Variants in MC1R observed in about 807,000 individuals in gnomAD.
MC1R encodes the protein melanocortin 1 receptor.
For synonymous variants in MC1R, 263 were observed against 203.8 expected, an observed-to-expected ratio of 1.29 and a Z score of -2.47; for missense variants, 542 against 430.0, an observed-to-expected ratio of 1.26 and a Z score of -2.30.
chr16:89,919,844 T>A lies in MC1R; in HGVS notation c.586T>A (p.Phe196Ile). 1.9e-6 allele frequency: 3 copies of A among 1,606,686 alleles called. No individual in the cohort carries two copies. Among genetic ancestry groups the A allele is most frequent in the Non-Finnish European group, 2.5e-6 (3 of 1,179,680 alleles). ...CGTCCTGCTGTGCCTCGTGGTCTTC[T>A]TCCTGGCTATGCTGGTGCTCATGGC... ...VAVLLCLVVF[F>I]LAMLVLMAVL... is the part of the protein sequence containing the mutation. Residue 196 changes from phenylalanine (F) to isoleucine (I), a missense_variant, in exon 1 of 1, where the codon TTC becomes ATC. Physicochemically the swap from Phe to Ile is conservative, Grantham distance 21. Transcript: ENST00000555147.
rs2045683627 is a variant in MC1R at position 89,918,909 on chromosome 16, C to CA, written c.-349dup. On this transcript the variant is annotated 5_prime_UTR_variant, in exon 1 of 1. Coordinates refer to ENST00000555147, the MANE Select transcript of MC1R (RefSeq NM_002386.4). ...AGCCCTGGCCCAGGAAGGCAGGAGA[C>CA]AGAGGCCAGGACGGTCCAGAGGTGT... 6.7e-6 allele frequency: 2 copies of CA among 296,840 alleles called. No individual in the cohort carries two copies. The highest frequency in any genetic ancestry group is 1.3e-5 in the Non-Finnish European group (2 of 158,316). The allele number at this position is 296,840 out of a possible 1,614,324, so 18.4% of individuals were successfully genotyped here. A position where few individuals can be genotyped will look rare whatever the true frequency, so the allele number is the denominator to read the frequency against.
rs2045686623 is a variant in MC1R at position 89,919,148 on chromosome 16, GAC to G, written c.-108_-107del. 2 of 738,468 alleles carry G rather than the reference GAC, an allele frequency of 2.7e-6. No individual in the cohort carries two copies. Among genetic ancestry groups the G allele is most frequent in the Non-Finnish European group, 4.4e-6 (2 of 453,316 alleles). The allele number at this position is 738,468 out of a possible 1,614,324, so 45.7% of individuals were successfully genotyped here. On this transcript the variant is annotated 5_prime_UTR_variant, in exon 1 of 1. It removes the in-frame stop codon of an upstream open reading frame in the 5' UTR. Transcript: ENST00000555147. ...CAGATGGAAGGAGGCAGGCATGGGG[GAC>G]ACCCAAGGCCCCCTGGCAGCACCAT...
rs370441592 is a variant in MC1R, at chr16:89,919,702, C to T, written c.444C>T (p.Tyr148=). The T allele has an allele frequency of 6.7e-5, 107 of 1,606,350 alleles. No homozygotes were observed. Among genetic ancestry groups the T allele is most frequent in the South Asian group, 5.4e-4 (49 of 91,078 alleles). The change falls in exon 1 of 1, where the codon TAC becomes TAT. Residue 148 remains tyrosine, a synonymous_variant. Transcript: ENST00000555147. ...IAVDRYISIF[Y]ALRYHSIVTL... ...TGGACCGCTACATCTCCATCTTCTA[C>T]GCACTGCGCTACCACAGCATCGTGA...
In MC1R at chr16:89,920,873, G is replaced by A. The variant is rs541340274; in HGVS notation, c.*661G>A. The A allele has an allele frequency of 4.9e-5, 29 of 595,942 alleles. No homozygotes were observed. In the East Asian group the frequency reaches 4.9e-4, roughly 10 times the overall value. The allele number at this position is 595,942 out of a possible 1,614,324, so 36.9% of individuals were successfully genotyped here. A position where few individuals can be genotyped will look rare whatever the true frequency, so the allele number is the denominator to read the frequency against. On this transcript the variant is annotated 3_prime_UTR_variant, in exon 1 of 1. Coordinates refer to ENST00000555147, the MANE Select transcript of MC1R (RefSeq NM_002386.4). ...CTCAGCCTGCTTTCCTGCAGCAGTCGCCCAAGCAGACAGCCCTGGCAAATG... is the reference window on the plus strand; with the variant it reads ...CTCAGCCTGCTTTCCTGCAGCAGTCACCCAAGCAGACAGCCCTGGCAAATG...
chr16:89,919,582 C>T lies in MC1R; in HGVS notation c.324C>T (p.Ala108=), dbSNP rs1424820725. 3.1e-6 allele frequency: 5 copies of T among 1,610,646 alleles called. No homozygotes were observed. The East Asian group carries it at 6.7e-5, about 22-fold the overall frequency. The part of the protein sequence containing the change: ...ILLLEAGALV[A]RAAVLQQLDN... ...TGCTGGAGGCCGGTGCACTGGTGGC[C>T]CGGGCTGCGGTGCTGCAGCAGCTGG... Residue 108 remains alanine, a synonymous_variant, in exon 1 of 1, where the codon GCC becomes GCT. Transcript: ENST00000555147.
At position 89,919,431 on chromosome 16, in the gene MC1R, T is replaced by C; in HGVS notation, c.173T>C (p.Leu58Pro). ...CTGGTGAGCTTGGTGGAGAACGCGC[T>C]GGTGGTGGCCACCATCGCCAAGAAC... is the stretch of plus-strand genomic sequence containing the variant. The part of the protein sequence containing the change: ...LGLVSLVENA[L>P]VVATIAKNRN... The change falls in exon 1 of 1, where the codon CTG (leucine) becomes CCG (proline). Residue 58 changes from leucine (L) to proline (P), a missense_variant. Coordinates refer to ENST00000555147, the MANE Select transcript of MC1R (RefSeq NM_002386.4). The C allele has an allele frequency of 6.2e-7, 1 of 1,613,292 alleles. No homozygotes were observed. The highest frequency in any genetic ancestry group is 1.1e-5 in the South Asian group (1 of 91,086).
chr16:89,919,672 C>T lies in MC1R; in HGVS notation c.414C>T (p.Ile138=), dbSNP rs377411334. Residue 138 remains isoleucine, a synonymous_variant, in exon 1 of 1, where the codon ATC becomes ATT. Transcript: ENST00000555147. The part of the protein sequence containing the change: ...MLSSLCFLGA[I]AVDRYISIFY... ...CCAGCCTCTGCTTCCTGGGCGCCATCGCCGTGGACCGCTACATCTCCATCT... is the reference window on the plus strand; with the variant it reads ...CCAGCCTCTGCTTCCTGGGCGCCATTGCCGTGGACCGCTACATCTCCATCT... 77 of 1,605,988 alleles carry T rather than the reference C, an allele frequency of 4.8e-5. No individual in the cohort carries two copies. Among genetic ancestry groups the T allele is most frequent in the East Asian group, 4.0e-4 (18 of 44,860 alleles).
In MC1R at chr16:89,919,681, C is replaced by G. The variant is rs755031236; in HGVS notation, c.423C>G (p.Asp141Glu). The change falls in exon 1 of 1, where the codon GAC becomes GAG. Residue 141 changes from aspartate (D) to glutamate (E), a missense_variant. Transcript: ENST00000555147. ...GCTTCCTGGGCGCCATCGCCGTGGA[C>G]CGCTACATCTCCATCTTCTACGCAC... ...SLCFLGAIAV[D>E]RYISIFYALR... 6 of 1,606,268 alleles carry G rather than the reference C, an allele frequency of 3.7e-6. No individual in the cohort carries two copies. Among genetic ancestry groups the G allele is most frequent in the East Asian group, 2.2e-5 (1 of 44,866 alleles).
chr16:89,920,895 A>G lies in MC1R; in HGVS notation c.*683A>G, dbSNP rs2045716853. ...GTCGCCCAAGCAGACAGCCCTGGCA[A>G]ATGCCTGACTCAGTGACCAGTGCCT... On this transcript the variant is annotated 3_prime_UTR_variant, in exon 1 of 1. Transcript: ENST00000555147. 2 of 590,046 alleles carry G rather than the reference A, an allele frequency of 3.4e-6. No homozygotes were observed. The highest frequency in any genetic ancestry group is 6.1e-6 in the Non-Finnish European group (2 of 325,534). 36.6% of individuals were successfully genotyped at this position (590,046 alleles called of 1,614,324 possible).
At position 89,920,354 on chromosome 16, in the gene MC1R, T is replaced by A. The variant is rs926324042; in HGVS notation, c.*142T>A. The stretch of plus-strand genomic sequence containing the variant: ...GGATGGACTAAATGATCTCTGAAAG[T>A]GTTGAAGCGCGGACCCTTCTGGGTC... On this transcript the variant is annotated 3_prime_UTR_variant, in exon 1 of 1. Coordinates refer to ENST00000555147, the MANE Select transcript of MC1R (RefSeq NM_002386.4). 8.1e-6 allele frequency: 6 copies of A among 742,786 alleles called. No individual in the cohort carries two copies. In the African/African-American group the frequency reaches 8.9e-5, roughly 11 times the overall value. 46.0% of individuals were successfully genotyped at this position (742,786 alleles called of 1,614,324 possible). A position where few individuals can be genotyped will look rare whatever the true frequency, so the allele number is the denominator to read the frequency against.
rs1376244060 is a variant in MC1R, at chr16:89,919,571, G to A, written c.313G>A (p.Ala105Thr). The change falls in exon 1 of 1, where the codon GCA becomes ACA. Residue 105 changes from alanine (A) to threonine (T), a missense_variant. By Grantham distance (58) the Ala-to-Thr change is moderately conservative. Coordinates refer to ENST00000555147, the MANE Select transcript of MC1R (RefSeq NM_002386.4). ...TAVILLLEAG[A>T]LVARAAVLQQ... The stretch of plus-strand genomic sequence containing the variant: ...CGTCATCCTCCTGCTGGAGGCCGGT[G>A]CACTGGTGGCCCGGGCTGCGGTGCT... 1.9e-6 allele frequency: 3 copies of A among 1,611,352 alleles called. No homozygotes were observed. Among genetic ancestry groups the A allele is most frequent in the Non-Finnish European group, 2.5e-6 (3 of 1,179,792 alleles).
In MC1R at chr16:89,919,806, A is replaced by G. The variant is rs779866297; in HGVS notation, c.548A>G (p.Tyr183Cys). 2 of 1,607,634 alleles carry G rather than the reference A, an allele frequency of 1.2e-6. No homozygotes were observed. Among genetic ancestry groups the G allele is most frequent in the African/African-American group, 2.7e-5 (2 of 75,026 alleles). ...TTCAGCACGCTCTTCATCGCCTACTACGACCACGTGGCCGTCCTGCTGTGC... is the reference window on the plus strand; with the variant it reads ...TTCAGCACGCTCTTCATCGCCTACTGCGACCACGTGGCCGTCCTGCTGTGC... ...VVFSTLFIAYYDHVAVLLCLV... is the reference protein window; with the variant it reads ...VVFSTLFIAYCDHVAVLLCLV... Residue 183 changes from tyrosine to cysteine, a missense_variant, in exon 1 of 1, where the codon TAC (tyrosine) becomes TGC (cysteine). By Grantham distance (194) the Tyr-to-Cys change is radical. Coordinates refer to ENST00000555147, the MANE Select transcript of MC1R (RefSeq NM_002386.4).
Position 89,919,233 on chromosome 16 carries a change from C to T in MC1R, c.-26C>T, listed in dbSNP as rs758577236. 9 of 1,483,252 alleles carry T rather than the reference C, an allele frequency of 6.1e-6. No individual in the cohort carries two copies. The Admixed American group carries it at 6.6e-5, about 11-fold the overall frequency. The allele number at this position is 1,483,252 out of a possible 1,614,324, so 91.9% of individuals were successfully genotyped here. ...GTGGGGACCTGGAGGCCTCCAACGA[C>T]TCCTTCCTGCTTCCTGGACAGGACT... On this transcript the variant is annotated 5_prime_UTR_variant, in exon 1 of 1. Transcript: ENST00000555147.
In MC1R at chr16:89,919,489, C is replaced by G. The variant is rs200759505; in HGVS notation, c.231C>G (p.Ile77Met). 2.5e-6 allele frequency: 4 copies of G among 1,613,196 alleles called. No individual in the cohort carries two copies. The highest frequency in any genetic ancestry group is 2.7e-5 in the African/African-American group (2 of 74,946). ...TGCACTCACCCATGTACTGCTTCATCTGCTGCCTGGCCTTGTCGGACCTGC... is the reference window on the plus strand; with the variant it reads ...TGCACTCACCCATGTACTGCTTCATGTGCTGCCTGGCCTTGTCGGACCTGC... ...RNLHSPMYCF[I>M]CCLALSDLLV... The change falls in exon 1 of 1, where the codon ATC becomes ATG. Residue 77 changes from isoleucine to methionine, a missense_variant. Physicochemically the swap from Ile to Met is conservative, Grantham distance 10. Coordinates refer to ENST00000555147, the MANE Select transcript of MC1R (RefSeq NM_002386.4).
chr16:89,920,798 G>A lies in MC1R; in HGVS notation c.*586G>A, dbSNP rs773566844. 9.2e-6 allele frequency: 6 copies of A among 653,256 alleles called. No homozygotes were observed. The East Asian group carries it at 1.1e-4, about 12-fold the overall frequency. 40.5% of individuals were successfully genotyped at this position (653,256 alleles called of 1,614,324 possible). On this transcript the variant is annotated 3_prime_UTR_variant, in exon 1 of 1. Transcript: ENST00000555147. Reference sequence around the variant, plus strand: ...GCAGGAGCCCCCCTAGTGGTATGGGGCTGAGCCCTCCTGAGGGCCGGTTCT... The same window carrying A: ...GCAGGAGCCCCCCTAGTGGTATGGGACTGAGCCCTCCTGAGGGCCGGTTCT...
rs371214731 is a variant in MC1R, at chr16:89,920,021, G to C, written c.763G>C (p.Gly255Arg). The part of the protein sequence containing the change: ...ILLGIFFLCW[G>R]PFFLHLTLIV... ...GCTGGGCATTTTCTTCCTCTGCTGG[G>C]GCCCCTTCTTCCTGCATCTCACACT... Residue 255 changes from glycine (G) to arginine (R), a missense_variant, in exon 1 of 1, where the codon GGC (glycine) becomes CGC (arginine). Gly to Arg is a moderately radical substitution (Grantham distance 125). Coordinates refer to ENST00000555147, the MANE Select transcript of MC1R (RefSeq NM_002386.4). 1.4e-5 allele frequency: 22 copies of C among 1,613,608 alleles called. No individual in the cohort carries two copies. In the African/African-American group the frequency reaches 2.8e-4, roughly 21 times the overall value.
At position 89,920,094 on chromosome 16, in the gene MC1R, A is replaced by T; in HGVS notation, c.836A>T (p.Asn279Ile). 1 of 1,613,868 alleles carries T rather than the reference A, an allele frequency of 6.2e-7. No individual in the cohort carries two copies. The highest frequency in any genetic ancestry group is 8.5e-7 in the Non-Finnish European group (1 of 1,179,866). The change falls in exon 1 of 1, where the codon AAC (asparagine) becomes ATC (isoleucine). Residue 279 changes from asparagine (N) to isoleucine (I), a missense_variant. Transcript: ENST00000555147. ...EHPTCGCIFK[N>I]FNLFLALIIC... ...CCCACGTGCGGCTGCATCTTCAAGA[A>T]CTTCAACCTCTTTCTCGCCCTCATC...
At position 89,919,887 on chromosome 16, in the gene MC1R, T is replaced by C. The variant is rs762579568; in HGVS notation, c.629T>C (p.Met210Thr). Residue 210 changes from methionine to threonine, a missense_variant, in exon 1 of 1, where the codon ATG becomes ACG. By Grantham distance (81) the Met-to-Thr change is moderately conservative. Coordinates refer to ENST00000555147, the MANE Select transcript of MC1R (RefSeq NM_002386.4). The part of the protein sequence containing the change: ...LVLMAVLYVH[M>T]LARACQHAQG... ...CTCATGGCCGTGCTGTACGTCCACA[T>C]GCTGGCCCGGGCCTGCCAGCACGCC... 4 of 1,606,846 alleles carry C rather than the reference T, an allele frequency of 2.5e-6. No individual in the cohort carries two copies. Among genetic ancestry groups the C allele is most frequent in the South Asian group, 1.1e-5 (1 of 91,062 alleles).
In MC1R at chr16:89,919,680, A is replaced by T. The variant is rs1434063620; in HGVS notation, c.422A>T (p.Asp141Val). The change falls in exon 1 of 1, where the codon GAC becomes GTC. Residue 141 changes from aspartate (D) to valine (V), a missense_variant. Physicochemically the swap from Asp to Val is radical, Grantham distance 152. Transcript: ENST00000555147. ...SLCFLGAIAV[D>V]RYISIFYALR... ...TGCTTCCTGGGCGCCATCGCCGTGG[A>T]CCGCTACATCTCCATCTTCTACGCA... is the stretch of plus-strand genomic sequence containing the variant. The T allele has an allele frequency of 9.3e-6, 15 of 1,606,150 alleles. No individual in the cohort carries two copies. Among genetic ancestry groups the T allele is most frequent in the Non-Finnish European group, 1.3e-5 (15 of 1,179,528 alleles).
Sources: gnomAD v4.1 joint callset for allele counts on GRCh38, gnomAD v4.1.1 for gene constraint, MANE v1.5 for transcripts, NCBI Gene and HGNC (gene_info 2026-07-23, HGNC 2026-07-21) for gene names.